Variants in ATP9B observed in about 807,000 individuals in gnomAD.
ATP9B encodes ATPase phospholipid transporting 9B.
In ATP9B, 110 loss-of-function variants were observed where a neutral mutation model predicts 146.1. That is an observed-to-expected ratio of 0.75 (90% CI 0.65 to 0.88). ATP9B has a LOEUF of 0.88. Ranked by LOEUF, ATP9B falls within the 40% of genes least tolerant of loss-of-function variation. The probability of loss-of-function intolerance (pLI) is 0.00; values close to 1 mark genes in which losing one functional copy is unlikely to be tolerated. For missense variants in ATP9B, 1,499 were observed against 1,496.4 expected (o/e 1.00, Z -0.03); for synonymous variants, 604 against 569.7 (o/e 1.06, Z -0.86).
intron 13 of ATP9B, among the ~76,000 whole-genome samples, chr18:79,287,626 C>T (rs1046350409): frequency 6.6e-6 from 1 of 151,334 alleles, no homozygotes; most frequent in African/African-American, 2.4e-5. Context: ...TTCAGTTCTG[C>T]TCTGATTTTA....
At chr18:79,193,127 C>T (rs917820563) in intron 8 of ATP9B, 56 bp from the exon 9 acceptor site, 1 of 1,280,400 alleles carries the variant, frequency 7.8e-7, no homozygotes, top group Non-Finnish European at 1.1e-6. Flanking sequence ...GAGAAATTTC[C>T]AAGTAATTTT....
intron 8 of ATP9B, among the ~76,000 whole-genome samples, chr18:79,186,829 A>G (rs1434128323): frequency 6.6e-6 from 1 of 152,238 alleles, no homozygotes; most frequent in Non-Finnish European, 1.5e-5. Context: ...TTTGGAAACT[A>G]GCCTGCACGT....
chr18:79,319,034 G>A (rs1251585213), intron 15 of ATP9B, among the ~76,000 whole-genome samples: 3 of 152,210 alleles, frequency 2.0e-5, no homozygotes, highest in Admixed American at 6.5e-5. Context: ...ATGACCAGCT[G>A]TGTGGTATTC....
chr18:79,372,546 C>T (rs913042988), intron 26 of ATP9B: 3 of 597,220 alleles, frequency 5.0e-6, no homozygotes, highest in Non-Finnish European at 9.4e-6. Flanking sequence ...ATACATCACT[C>T]CTGGCTTAGT....
rs545377068 is a variant in ATP9B at position 79,076,031 on chromosome 18, G to A, written c.119+6502G>A. On this transcript the variant is annotated intron_variant, in intron 1 of 29. Coordinates refer to ENST00000426216, the MANE Select transcript of ATP9B (RefSeq NM_198531.5). Reference sequence around the variant, plus strand: ...TATTTTAACGGTTGTTGGGTAAAGTGTAAGAGCTTTACCTCTTTAAATCCC... The same window carrying A: ...TATTTTAACGGTTGTTGGGTAAAGTATAAGAGCTTTACCTCTTTAAATCCC... 5.9e-5 allele frequency among the ~76,000 whole-genome samples: 9 copies of A among 152,230 alleles called. No homozygotes were observed. In the South Asian group the frequency reaches 1.9e-3, roughly 32 times the overall value.
chr18:79,157,594 C>T (rs1186105508), intron 7 of ATP9B, among the ~76,000 whole-genome samples: 9 of 152,102 alleles, frequency 5.9e-5, no homozygotes, highest in Middle Eastern at 3.4e-3. Context: ...TGATAGAATT[C>T]GCCCATGAAA....
At chr18:79,347,472 T>TC (rs2096896392) in intron 23 of ATP9B, among the ~76,000 whole-genome samples, 1 of 151,770 alleles carries the variant, frequency 6.6e-6, no homozygotes, top group Non-Finnish European at 1.5e-5. Flanking sequence ...CACAAGGGAG[T>TC]CCTTCAACAG....
chr18:79,251,903 A>G (rs965765426), intron 11 of ATP9B, among the ~76,000 whole-genome samples: 10 of 152,228 alleles, frequency 6.6e-5, no homozygotes, highest in Non-Finnish European at 1.3e-4. Context: ...GAGATGGCAG[A>G]TAGATAACTA....
chr18:79,222,215 C>T (rs1213420485), intron 11 of ATP9B, among the ~76,000 whole-genome samples: 6 of 151,996 alleles, frequency 3.9e-5, no homozygotes, highest in Non-Finnish European at 5.9e-5. Context: ...AAGAATTAGC[C>T]GGGCGTGGTG....
At position 79,376,214 on chromosome 18, in the gene ATP9B, C is replaced by CACACACACAA; in HGVS notation, c.3307+789_3307+790insCACACACAAA. The CACACACACAA allele has an allele frequency of 1.7e-3, 1,462 of 879,546 alleles. 9 individuals are homozygous for CACACACACAA. The highest frequency in any genetic ancestry group is 9.3e-3 in the Middle Eastern group (15 of 1,610). The allele number at this position is 879,546 out of a possible 1,614,324, so 54.5% of individuals were successfully genotyped here. ...ACACACACACACACACACACACACA[C>CACACACACAA]AAAACAAAACAAAAAAATGGCTAGC... On this transcript the variant is annotated intron_variant, in intron 29 of 29. Coordinates refer to ENST00000426216, the MANE Select transcript of ATP9B (RefSeq NM_198531.5).
chr18:79,310,787 G>GT (rs58315954), intron 15 of ATP9B, among the ~76,000 whole-genome samples: 28,833 of 151,184 alleles, frequency 0.19, 3,351 homozygotes, highest in East Asian at 0.52. Flanking sequence ...ACTTCCAGGG[G>GT]TTTTTTTTTG....
Position 79,350,873 on chromosome 18 carries a change from A to G in ATP9B, c.2903+2677A>G, listed in dbSNP as rs377439284. ...AACCTCTGCCTCCTAGGTTCAAGTG[A>G]TTCTCCTCCCTCAGCCTCCCAAGTA... On this transcript the variant is annotated intron_variant, in intron 25 of 29. Coordinates refer to ENST00000426216, the MANE Select transcript of ATP9B (RefSeq NM_198531.5). Among the ~76,000 whole-genome samples, 20 of 149,256 alleles carry G rather than the reference A, an allele frequency of 1.3e-4. No individual in the cohort carries two copies. The South Asian group carries it at 4.0e-3, about 30-fold the overall frequency.
At chr18:79,093,946 AT>A (rs1288237970) in intron 1 of ATP9B, among the ~76,000 whole-genome samples, 1 of 152,076 alleles carries the variant, frequency 6.6e-6, no homozygotes, top group Admixed American at 6.5e-5. Context: ...TATTGGCCAT[AT>A]TTCCCTGTTA....
intron 12 of ATP9B, among the ~76,000 whole-genome samples, chr18:79,266,770 C>T (rs1466349789): frequency 6.6e-6 from 1 of 151,944 alleles, no homozygotes; most frequent in Non-Finnish European, 1.5e-5. Flanking sequence ...TAGTGTCATA[C>T]CAACCTTGTA....
chr18:79,252,493 A>G (rs1430068087), intron 11 of ATP9B, among the ~76,000 whole-genome samples: 1 of 152,204 alleles, frequency 6.6e-6, no homozygotes, highest in Non-Finnish European at 1.5e-5. Context: ...GCAAGCAAGG[A>G]GAAACAGTCC....
At chr18:79,095,517 T>C (rs2074711923) in intron 1 of ATP9B, 1 of 152,244 alleles carries the variant, frequency 6.6e-6, no homozygotes, top group Non-Finnish European at 1.5e-5. Flanking sequence ...GATGGTACTA[T>C]CTCTGTCCCT....
chr18:79,268,997 GT>G lies in ATP9B; in HGVS notation c.1269-8056del, dbSNP rs374911206. 2.4e-3 allele frequency among the ~76,000 whole-genome samples: 364 copies of G among 152,168 alleles called. 1 individual carries two copies. The highest frequency in any genetic ancestry group is 6.4e-3 in the South Asian group (31 of 4,820). ...CCGCTTTTCTATCCTCTCCTCATTGGTGGCATTGTACGCTCTACCCTACATA... is the reference window on the plus strand; with the variant it reads ...CCGCTTTTCTATCCTCTCCTCATTGGGGCATTGTACGCTCTACCCTACATA... On this transcript the variant is annotated intron_variant, in intron 12 of 29. Transcript: ENST00000426216.
At chr18:79,199,455 T>G (rs974172018) in intron 9 of ATP9B, among the ~76,000 whole-genome samples, 1 of 151,932 alleles carries the variant, frequency 6.6e-6, no homozygotes, top group African/African-American at 2.4e-5. Flanking sequence ...CTTTTTAAAC[T>G]TTTTTTTGTT....
At chr18:79,345,967 G>A (rs1324971626) in intron 23 of ATP9B, 128 bp downstream of exon 23, 3 of 1,019,532 alleles carry the variant, frequency 2.9e-6, no homozygotes, top group East Asian at 2.4e-5. Flanking sequence ...CTTAGCGTAC[G>A]CTCGGTCAGC....
Sources: allele counts gnomAD v4.1 joint callset (sites outside exome capture counted in the v4.1 genomes callset), GRCh38; gene constraint gnomAD v4.1.1; transcripts MANE v1.5; gene names NCBI Gene and HGNC (gene_info 2026-07-23, HGNC 2026-07-21).